The following GALNTL6 variants were observed in gnomAD, a reference collection of about 807,000 sequenced individuals.
The protein encoded by GALNTL6 is polypeptide N-acetylgalactosaminyltransferase-like 6.
A neutral mutation model predicts 73.7 loss-of-function variants in GALNTL6; 46 were observed. The ratio of observed to expected loss-of-function variants is 0.62; its 90% CI spans 0.49 to 0.80. The LOEUF is 0.80. Among genes scored for constraint, GALNTL6 ranks in the 30% least tolerant of loss-of-function variants. The pLI is 0.00. For synonymous variants in GALNTL6, 259 were observed against 263.7 expected (o/e 0.98, Z 0.17); for missense variants, 604 against 755.0 (o/e 0.80, Z 2.34).
chr4:171,869,652 T>TG (rs1372107711), intron 2 of GALNTL6, among the ~76,000 whole-genome samples: 1 of 152,238 alleles, frequency 6.6e-6, no homozygotes, highest in Non-Finnish European at 1.5e-5. Context: ...ATTTCTGATA[T>TG]GGTTTGGCTG....
rs112459136 is a variant in GALNTL6 at position 172,994,475 on chromosome 4, T to G, written c.1372-14703T>G. On this transcript the variant is annotated intron_variant, in intron 10 of 12. Coordinates refer to ENST00000506823, the MANE Select transcript of GALNTL6 (RefSeq NM_001034845.3). ...AACAGAAAGGCCATTGCTTTATAAT[T>G]TAAGGCTCACAGAGAAATATTTCAG... 2.2e-3 allele frequency among the ~76,000 whole-genome samples: 332 copies of G among 152,294 alleles called. 3 individuals are homozygous for G. The highest frequency in any genetic ancestry group is 7.4e-3 in the African/African-American group (306 of 41,550).
intron 5 of GALNTL6, among the ~76,000 whole-genome samples, chr4:172,756,559 C>T (rs1324829406): frequency 6.6e-6 from 1 of 151,776 alleles, no homozygotes; most frequent in East Asian, 1.9e-4. Flanking sequence ...GCAGGAGAAT[C>T]GCTTGAACCC....
At chr4:172,086,767 A>G (rs1732045618) in intron 2 of GALNTL6, among the ~76,000 whole-genome samples, 1 of 152,234 alleles carries the variant, frequency 6.6e-6, no homozygotes, top group African/African-American at 2.4e-5. Flanking sequence ...TATAAAAAAT[A>G]GCAAGAACAA....
At chr4:172,013,390 T>C (rs1317046988) in intron 2 of GALNTL6, among the ~76,000 whole-genome samples, 1 of 152,072 alleles carries the variant, frequency 6.6e-6, no homozygotes, top group Non-Finnish European at 1.5e-5. Context: ...AGCTCCCACA[T>C]ATGGGTAAAA....
intron 5 of GALNTL6, among the ~76,000 whole-genome samples, chr4:172,718,274 A>AT (rs1735231998): frequency 6.6e-6 from 1 of 152,202 alleles, no homozygotes; most frequent in Non-Finnish European, 1.5e-5. Context: ...GATTTATATC[A>AT]TGTCATATCA....
intron 2 of GALNTL6, among the ~76,000 whole-genome samples, chr4:171,846,424 G>A (rs764069974): frequency 9.9e-5 from 15 of 152,058 alleles, no homozygotes; most frequent in Admixed American, 3.3e-4. Context: ...ATGGCCAGAG[G>A]AGGTAGACAG....
At chr4:172,936,129 C>T (rs372828273) in intron 9 of GALNTL6, among the ~76,000 whole-genome samples, 197 of 152,236 alleles carry the variant, frequency 1.3e-3, no homozygotes, top group South Asian at 1.0e-2. Context: ...GCTCAACATA[C>T]GCAAATCAAT....
intron 5 of GALNTL6, among the ~76,000 whole-genome samples, chr4:172,770,832 T>C (rs987331442): frequency 1.3e-5 from 2 of 152,208 alleles, no homozygotes; most frequent in Non-Finnish European, 1.5e-5. Context: ...ATTTTTGACA[T>C]TAAATGTTAT....
chr4:172,938,437 G>A (rs1344405512), intron 9 of GALNTL6, among the ~76,000 whole-genome samples: 1 of 152,186 alleles, frequency 6.6e-6, no homozygotes, highest in African/African-American at 2.4e-5. Context: ...TCAGGCAAAC[G>A]CAACTCGCCC....
chr4:172,482,180 G>A (rs372104633), intron 5 of GALNTL6, among the ~76,000 whole-genome samples: 6 of 152,282 alleles, frequency 3.9e-5, no homozygotes, highest in Non-Finnish European at 7.4e-5. Context: ...AGGACCTGCC[G>A]AGCCCACACC....
At chr4:172,685,120 G>A (rs1371863275) in intron 5 of GALNTL6, among the ~76,000 whole-genome samples, 1 of 151,830 alleles carries the variant, frequency 6.6e-6, no homozygotes, top group East Asian at 1.9e-4. Context: ...AAATACTATG[G>A]CAAGTTAATA....
intron 2 of GALNTL6, among the ~76,000 whole-genome samples, chr4:172,075,779 G>C (rs1481034022): frequency 2.0e-5 from 3 of 152,164 alleles, no homozygotes; most frequent in African/African-American, 7.2e-5. Context: ...GACAGAGAGA[G>C]AGAGAGAGAG....
At chr4:172,492,244 A>G (rs1426660696) in intron 5 of GALNTL6, among the ~76,000 whole-genome samples, 1 of 152,214 alleles carries the variant, frequency 6.6e-6, no homozygotes, top group Non-Finnish European at 1.5e-5. Flanking sequence ...TAGATATTAT[A>G]TCTAAGTGCA....
chr4:172,839,311 T>C (rs1417353449), intron 7 of GALNTL6, among the ~76,000 whole-genome samples: 1 of 152,238 alleles, frequency 6.6e-6, no homozygotes, highest in Admixed American at 6.5e-5. Flanking sequence ...ACTAATCTAA[T>C]TCTCAGACAA....
chr4:172,487,275 TTTC>T (rs1733707335), intron 5 of GALNTL6, among the ~76,000 whole-genome samples: 1 of 101,260 alleles, frequency 9.9e-6, no homozygotes, highest in South Asian at 4.7e-4. Context: ...TCCTTTCCTC[TTTC>T]TTTCTTTCCT....
chr4:171,972,692 G>A (rs1739605715), intron 2 of GALNTL6, among the ~76,000 whole-genome samples: 1 of 151,982 alleles, frequency 6.6e-6, no homozygotes, highest in Admixed American at 6.6e-5. Context: ...AGCAATGTGA[G>A]TTTATAGAAT....
intron 2 of GALNTL6, among the ~76,000 whole-genome samples, chr4:171,891,196 A>C (rs1736750084): frequency 6.6e-6 from 1 of 152,200 alleles, no homozygotes; most frequent in African/African-American, 2.4e-5. Context: ...TTAGAGAGTG[A>C]AGTCATTGTG....
At chr4:171,950,903 TAG>T (rs776128558) in intron 2 of GALNTL6, among the ~76,000 whole-genome samples, 6 of 151,760 alleles carry the variant, frequency 4.0e-5, no homozygotes, top group African/African-American at 1.5e-4. Context: ...TTAAAACTGA[TAG>T]AGAGAATGAA....
chr4:172,377,596 C>T lies in GALNTL6; in HGVS notation c.553+28907C>T, dbSNP rs375952774. Among the ~76,000 whole-genome samples, 288 of 152,276 alleles carry T rather than the reference C, an allele frequency of 1.9e-3. 1 individual carries two copies. Among genetic ancestry groups the T allele is most frequent in the African/African-American group, 6.7e-3 (278 of 41,572 alleles). The stretch of plus-strand genomic sequence containing the variant: ...GTGCCGTGGAGCAGGGGCCGGTGCC[C>T]ATCAGGGAGGCTCGGGCCACACGGG... On this transcript the variant is annotated intron_variant, in intron 5 of 12. Transcript: ENST00000506823.
Sources: gnomAD v4.1 joint callset for allele counts (sites outside exome capture counted in the v4.1 genomes callset) on GRCh38, gnomAD v4.1.1 for gene constraint, MANE v1.5 for transcripts, NCBI Gene and HGNC (gene_info 2026-07-23, HGNC 2026-07-21) for gene names.